The following HSPB8 variants were observed in gnomAD, a reference collection of about 807,000 sequenced individuals.
HSPB8 encodes heat shock protein beta-8.
HSPB8 carries 9 observed loss-of-function variants against 16.5 expected under a neutral mutation model. The ratio of observed to expected loss-of-function variants is 0.55; its 90% confidence interval spans 0.33 to 0.95. HSPB8 has a LOEUF of 0.95. HSPB8 is among the 40% of genes least tolerant of loss of function. HSPB8 has a pLI of 0.03. For missense variants in HSPB8, 238 were observed against 251.2 expected, an observed-to-expected ratio of 0.95 and a Z score of 0.35; for synonymous variants, 99 against 94.8, an observed-to-expected ratio of 1.04 and a Z score of -0.26.
At position 119,193,758 on chromosome 12, in the gene HSPB8, T is replaced by A. The variant is rs2136086312; in HGVS notation, c.491T>A (p.Leu164Gln). The change falls in exon 3 of 3, where the codon CTG (leucine) becomes CAG (glutamine). Residue 164 changes from leucine to glutamine, a missense_variant. By Grantham distance (113) the Leu-to-Gln change is moderately radical. Coordinates refer to ENST00000281938, the MANE Select transcript of HSPB8 (RefSeq NM_014365.3). ...VFASLSPEGL[L>Q]IIEAPQVPPY... Reference sequence around the variant, plus strand: ...GCCTCACTTTCCCCAGAGGGTCTGCTGATCATCGAAGCTCCCCAGGTCCCT... The same window carrying A: ...GCCTCACTTTCCCCAGAGGGTCTGCAGATCATCGAAGCTCCCCAGGTCCCT... The A allele has an allele frequency of 6.2e-7, 1 of 1,614,222 alleles. No homozygotes were observed. Among genetic ancestry groups the A allele is most frequent in the Non-Finnish European group, 8.5e-7 (1 of 1,180,030 alleles).
At chr12:119,191,390 GCATT>G (rs1954711193) in intron 2 of HSPB8, among the ~76,000 whole-genome samples, 1 of 152,096 alleles carries the variant, frequency 6.6e-6, no homozygotes, top group African/African-American at 2.4e-5. Context: ...CCCATCCCCA[GCATT>G]GGGAGGGAGG....
At chr12:119,190,444 C>T (rs1253761969) in intron 2 of HSPB8, among the ~76,000 whole-genome samples, 3 of 152,214 alleles carry the variant, frequency 2.0e-5, no homozygotes, top group Non-Finnish European at 2.9e-5. Context: ...CATCTCAACA[C>T]ATCCATCTCT....
At chr12:119,193,501 T>A (rs890945435) in intron 2 of HSPB8, among the ~76,000 whole-genome samples, 198 bp from the exon 3 acceptor site, 1 of 152,192 alleles carries the variant, frequency 6.6e-6, no homozygotes, top group Non-Finnish European at 1.5e-5. Flanking sequence ...ATTTTGCAGA[T>A]GAGAAAACAA....
At chr12:119,181,173 C>A (rs985457706) in intron 1 of HSPB8, among the ~76,000 whole-genome samples, 21 of 152,164 alleles carry the variant, frequency 1.4e-4, no homozygotes, top group African/African-American at 4.8e-4. Flanking sequence ...GATCTCAGTT[C>A]ATTTAGGAAG....
intron 2 of HSPB8, among the ~76,000 whole-genome samples, chr12:119,191,973 G>C (rs1206142941): frequency 1.3e-5 from 2 of 152,078 alleles, no homozygotes; most frequent in South Asian, 4.2e-4. Context: ...TGGGATTATT[G>C]TTAACACCAA....
intron 2 of HSPB8, among the ~76,000 whole-genome samples, chr12:119,192,017 A>G (rs1592932359): frequency 1.3e-5 from 2 of 152,250 alleles, no homozygotes; most frequent in African/African-American, 2.4e-5. Flanking sequence ...CCTGGCACAT[A>G]GAAAGTACTC....
At chr12:119,189,986 G>A (rs147149597) in intron 2 of HSPB8, among the ~76,000 whole-genome samples, 63 of 152,296 alleles carry the variant, frequency 4.1e-4, no homozygotes, top group African/African-American at 1.3e-3. Flanking sequence ...TCAGCTCCGG[G>A]TGCAGGGAGT....
At position 119,179,052 on chromosome 12, in the gene HSPB8, G is replaced by C. The variant is rs995989266; in HGVS notation, c.-261G>C. ...AAGCCTGGGAGGACGGTGGCTTGCCGGTCTGTCGTGAGGCAGTGCGGACGG... is the reference window on the plus strand; with the variant it reads ...AAGCCTGGGAGGACGGTGGCTTGCCCGTCTGTCGTGAGGCAGTGCGGACGG... On this transcript the variant is annotated 5_prime_UTR_variant, in exon 1 of 3. Transcript: ENST00000281938. 6 of 549,850 alleles carry C rather than the reference G, an allele frequency of 1.1e-5. No homozygotes were observed. The highest frequency in any genetic ancestry group is 9.5e-5 in the African/African-American group (5 of 52,824). 34.1% of individuals were successfully genotyped at this position (549,850 alleles called of 1,614,324 possible). A position where few individuals can be genotyped will look rare whatever the true frequency, so the allele number is the denominator to read the frequency against.
At chr12:119,190,154 G>A (rs1482960983) in intron 2 of HSPB8, among the ~76,000 whole-genome samples, 2 of 152,082 alleles carry the variant, frequency 1.3e-5, no homozygotes, top group Non-Finnish European at 2.9e-5. Context: ...TTGGTCCATG[G>A]GAATTAATAT....
In HSPB8 at chr12:119,178,953, T is replaced by TC; in HGVS notation, c.-360_-359insC. The TC allele has an allele frequency of 2.9e-6, 1 of 349,154 alleles. No homozygotes were observed. The highest frequency in any genetic ancestry group is 3.0e-5 in the South Asian group (1 of 33,370). 21.6% of individuals were successfully genotyped at this position (349,154 alleles called of 1,614,324 possible). On this transcript the variant is annotated 5_prime_UTR_variant, in exon 1 of 3. Coordinates refer to ENST00000281938, the MANE Select transcript of HSPB8 (RefSeq NM_014365.3). ...GCCAGAAGAAGTTTCTAGGCGCGCG[T>TC]GCCCTGGGTTTATTAAGCTCCTGGC... is the stretch of plus-strand genomic sequence containing the variant.
intron 2 of HSPB8, among the ~76,000 whole-genome samples, chr12:119,187,834 G>A (rs1279500801): frequency 6.6e-6 from 1 of 152,138 alleles, no homozygotes; most frequent in Non-Finnish European, 1.5e-5. Context: ...TGCTTGCTCA[G>A]CCTCTGCCCT....
chr12:119,182,029 G>A (rs1364846305), intron 1 of HSPB8: 1 of 152,204 alleles, frequency 6.6e-6, no homozygotes, highest in Non-Finnish European at 1.5e-5. Flanking sequence ...CCCTCTAGGA[G>A]ACCCTCTGTC....
Position 119,187,053 on chromosome 12 carries a change from TG to T in HSPB8, c.398del (p.Gly133AlafsTer20), listed in dbSNP as rs759145121. On this transcript the variant is annotated frameshift_variant, in exon 2 of 3. Transcript: ENST00000281938. LOFTEE classifies it high-confidence loss of function. ...GKHEEKQQEG[G>X]IVSKNFTKKI... ...AACATGAAGAGAAACAGCAAGAAGGTGGCATTGTTTCTAAGAACTTCACAAA... is the reference window on the plus strand; with the variant it reads ...AACATGAAGAGAAACAGCAAGAAGGTGCATTGTTTCTAAGAACTTCACAAA... 6.2e-7 allele frequency: 1 copy of T among 1,614,072 alleles called. No homozygotes were observed. Among genetic ancestry groups the T allele is most frequent in the East Asian group, 2.2e-5 (1 of 44,876 alleles).
rs1954731954 is a variant in HSPB8, at chr12:119,194,395, A to T, written c.*537A>T. The T allele has an allele frequency of 5.0e-6, 1 of 198,280 alleles. No individual in the cohort carries two copies. Among genetic ancestry groups the T allele is most frequent in the Admixed American group, 5.3e-5 (1 of 18,800 alleles). The allele number at this position is 198,280 out of a possible 1,614,324, so 12.3% of individuals were successfully genotyped here. A position where few individuals can be genotyped will look rare whatever the true frequency, so the allele number is the denominator to read the frequency against. ...TGGAATTTATCCATCAACCACATAAAAACAAACAGTGCCTTCTGCCCTCTG... is the reference window on the plus strand; with the variant it reads ...TGGAATTTATCCATCAACCACATAATAACAAACAGTGCCTTCTGCCCTCTG... On this transcript the variant is annotated 3_prime_UTR_variant, in exon 3 of 3. Coordinates refer to ENST00000281938, the MANE Select transcript of HSPB8 (RefSeq NM_014365.3).
At chr12:119,185,125 C>A (rs1292362173) in intron 1 of HSPB8, among the ~76,000 whole-genome samples, 2 of 146,216 alleles carry the variant, frequency 1.4e-5, no homozygotes, top group East Asian at 2.0e-4. Flanking sequence ...GTTTTGATGG[C>A]TTTTTTTTTT....
rs1450980070 is a variant in HSPB8, at chr12:119,179,384, T to A, written c.72T>A (p.Ser24=). The change falls in exon 1 of 3, where the codon TCT becomes TCA. Residue 24 remains serine, a synonymous_variant. Transcript: ENST00000281938. ...SRLRRDPFRD[S]PLSSRLLDDG... Reference sequence around the variant, plus strand: ...TGCGCCGAGACCCCTTCCGGGACTCTCCCCTCTCCTCTCGCCTGCTGGATG... The same window carrying A: ...TGCGCCGAGACCCCTTCCGGGACTCACCCCTCTCCTCTCGCCTGCTGGATG... 2 of 1,614,050 alleles carry A rather than the reference T, an allele frequency of 1.2e-6. No homozygotes were observed. Among genetic ancestry groups the A allele is most frequent in the Non-Finnish European group, 1.7e-6 (2 of 1,179,984 alleles).
In HSPB8 at chr12:119,194,245, C is replaced by A; in HGVS notation, c.*387C>A. ...CCATCACCCAGGTTCCTACTCTGGG[C>A]TCCCGATTCCCATGGCTCCCAAACC... On this transcript the variant is annotated 3_prime_UTR_variant, in exon 3 of 3. Coordinates refer to ENST00000281938, the MANE Select transcript of HSPB8 (RefSeq NM_014365.3). The A allele has an allele frequency of 3.3e-6, 1 of 302,498 alleles. No individual in the cohort carries two copies. The allele number at this position is 302,498 out of a possible 1,614,324, so 18.7% of individuals were successfully genotyped here.
rs761021641 is a variant in HSPB8 at position 119,179,653 on chromosome 12, C to T, written c.341C>T (p.Thr114Ile). 2 of 1,587,690 alleles carry T rather than the reference C, an allele frequency of 1.3e-6. No homozygotes were observed. Among genetic ancestry groups the T allele is most frequent in the South Asian group, 1.2e-5 (1 of 86,112 alleles). Residue 114 changes from threonine (T) to isoleucine (I), a missense_variant, in exon 1 of 3, where the codon ACC (threonine) becomes ATC (isoleucine). Physicochemically the swap from Thr to Ile is moderately conservative, Grantham distance 89. Transcript: ENST00000281938. ...SFKPEELMVK[T>I]KDGYVEVSGK... is the part of the protein sequence containing the mutation. ...AAGCCAGAGGAGTTGATGGTGAAGA[C>T]CAAAGATGGATACGTGGAGGTGTCT... is the stretch of plus-strand genomic sequence containing the variant.
intron 1 of HSPB8, among the ~76,000 whole-genome samples, chr12:119,184,064 T>A (rs533147300): frequency 3.9e-5 from 6 of 152,300 alleles, no homozygotes; most frequent in Admixed American, 1.3e-4. Context: ...AACTTAGAGA[T>A]GTGCCAGGAA....
Sources: gnomAD v4.1 joint callset for allele counts (sites outside exome capture counted in the v4.1 genomes callset) on GRCh38, gnomAD v4.1.1 for gene constraint, MANE v1.5 for transcripts, NCBI Gene and HGNC (gene_info 2026-07-23, HGNC 2026-07-21) for gene names.